Variants in DGKB observed in about 807,000 individuals in gnomAD.
DGKB encodes diacylglycerol kinase beta.
Under a neutral mutation model 114.3 loss-of-function variants are expected in DGKB, and 67 were observed. That is an observed-to-expected ratio of 0.59 (90% CI 0.48 to 0.72). The LOEUF (loss-of-function observed/expected upper bound fraction) is 0.72. DGKB is among the 30% of genes least tolerant of loss of function. The pLI, the probability that DGKB is intolerant of heterozygous loss-of-function variation, is 0.00. For missense variants in DGKB, 907 were observed against 975.2 expected, an observed-to-expected ratio of 0.93 and a Z score of 0.93; for synonymous variants, 398 against 323.1, an observed-to-expected ratio of 1.23 and a Z score of -2.49.
At position 14,274,218 on chromosome 7, in the gene DGKB, G is replaced by GCTCT. The variant is rs200644796; in HGVS notation, c.2122+64293_2122+64296dup. Among the ~76,000 whole-genome samples the GCTCT allele has an allele frequency of 2.0e-4, 30 of 152,282 alleles. No individual in the cohort carries two copies. In the East Asian group the frequency reaches 5.8e-3, roughly 29 times the overall value. On this transcript the variant is annotated intron_variant, in intron 23 of 25. Transcript: ENST00000402815. ...AGCCCCATGATCCACATGTTCCTCT[G>GCTCT]CTCTTGGCACTGTACTCAGGAGATT...
intron 2 of DGKB, among the ~76,000 whole-genome samples, chr7:14,777,735 A>G (rs1325898622): frequency 6.6e-6 from 1 of 152,186 alleles, no homozygotes; most frequent in Non-Finnish European, 1.5e-5. Context: ...GTGACAATGG[A>G]CTAATACATA....
intron 1 of DGKB, among the ~76,000 whole-genome samples, chr7:14,969,656 A>G (rs1468494295): frequency 1.3e-5 from 2 of 152,104 alleles, no homozygotes; most frequent in Non-Finnish European, 2.9e-5. Context: ...TGAGAGTCTA[A>G]TGCCTGATGA....
intron 20 of DGKB, among the ~76,000 whole-genome samples, chr7:14,505,608 A>G (rs1162722855): frequency 6.6e-6 from 1 of 152,230 alleles, no homozygotes; most frequent in East Asian, 1.9e-4. Flanking sequence ...CCAAAGACCA[A>G]TGTAAAATTG....
chr7:14,545,762 C>T (rs985587879), intron 20 of DGKB, among the ~76,000 whole-genome samples: 7 of 152,156 alleles, frequency 4.6e-5, no homozygotes, highest in Non-Finnish European at 8.8e-5. Flanking sequence ...GATCTGACAT[C>T]GTATACTGGG....
chr7:14,787,301 A>G (rs902412625), intron 2 of DGKB, among the ~76,000 whole-genome samples: 13 of 152,238 alleles, frequency 8.5e-5, no homozygotes, highest in Admixed American at 3.9e-4. Context: ...TTCACAAGCA[A>G]TGCAATTATT....
At chr7:14,285,005 G>C (rs1800635580) in intron 23 of DGKB, among the ~76,000 whole-genome samples, 1 of 142,288 alleles carries the variant, frequency 7.0e-6, no homozygotes. Context: ...AAAACTTAAA[G>C]TATAATAATA....
chr7:14,421,140 T>G (rs1271315069), intron 21 of DGKB, among the ~76,000 whole-genome samples: 1 of 152,104 alleles, frequency 6.6e-6, no homozygotes, highest in Non-Finnish European at 1.5e-5. Context: ...AAAGGGTACT[T>G]AAACCCCAGA....
At chr7:14,692,920 C>T (rs1431975741) in intron 9 of DGKB, among the ~76,000 whole-genome samples, 1 of 152,158 alleles carries the variant, frequency 6.6e-6, no homozygotes, top group East Asian at 1.9e-4. Context: ...TATTCCTTAA[C>T]CCTCAGCTCA....
intron 21 of DGKB, among the ~76,000 whole-genome samples, chr7:14,391,288 C>T (rs1328993057): frequency 6.6e-6 from 1 of 152,092 alleles, no homozygotes; most frequent in East Asian, 1.9e-4. Flanking sequence ...ACAGATTTTG[C>T]TCCTCATAAG....
intron 23 of DGKB, among the ~76,000 whole-genome samples, chr7:14,264,142 T>C (rs902155926): frequency 2.0e-5 from 3 of 152,194 alleles, no homozygotes; most frequent in African/African-American, 7.2e-5. Flanking sequence ...GATGAGGGAC[T>C]TAATGGTATG....
chr7:14,701,602 A>G, intron 7 of DGKB, 79 bp downstream of exon 7: 2 of 1,027,770 alleles, frequency 1.9e-6, no homozygotes, highest in Non-Finnish European at 3.1e-6. Context: ...TTCTGTGGTA[A>G]TAACTACAAA....
intron 17 of DGKB, among the ~76,000 whole-genome samples, chr7:14,590,908 C>T (rs760210263): frequency 6.6e-5 from 10 of 152,012 alleles, no homozygotes; most frequent in South Asian, 2.1e-4. Flanking sequence ...CCACCTCCTC[C>T]GCCTGCACTG....
chr7:14,491,605 T>G (rs1386203231), intron 20 of DGKB, among the ~76,000 whole-genome samples: 1 of 152,106 alleles, frequency 6.6e-6, no homozygotes, highest in East Asian at 1.9e-4. Context: ...CATCCAATAT[T>G]TCCTAAAAGA....
intron 21 of DGKB, among the ~76,000 whole-genome samples, chr7:14,402,229 C>G (rs1176512019): frequency 6.6e-6 from 1 of 151,742 alleles, no homozygotes; most frequent in East Asian, 1.9e-4. Context: ...ATTAAACTGT[C>G]TTATCACAGC....
intron 25 of DGKB, among the ~76,000 whole-genome samples, chr7:14,157,900 T>TTG: frequency 6.6e-6 from 1 of 152,170 alleles, no homozygotes; most frequent in African/African-American, 2.4e-5. Flanking sequence ...CTAGAGAATA[T>TTG]TTACAACTTG....
intron 20 of DGKB, among the ~76,000 whole-genome samples, chr7:14,562,451 C>T (rs1796805532): frequency 6.6e-6 from 1 of 152,176 alleles, no homozygotes; most frequent in African/African-American, 2.4e-5. Context: ...GCAGCTTGCA[C>T]CTTGCACTGG....
At chr7:14,517,214 C>T (rs182953358) in intron 20 of DGKB, among the ~76,000 whole-genome samples, 9 of 152,196 alleles carry the variant, frequency 5.9e-5, no homozygotes, top group South Asian at 2.1e-4. Context: ...GGAAAGAATT[C>T]CCCATTCAAT....
chr7:14,954,554 G>A (rs1786391474), intron 1 of DGKB, among the ~76,000 whole-genome samples: 1 of 152,010 alleles, frequency 6.6e-6, no homozygotes, highest in Non-Finnish European at 1.5e-5. Context: ...CAAATTTGAA[G>A]GTTAGAAGAT....
intron 23 of DGKB, among the ~76,000 whole-genome samples, chr7:14,289,127 T>C (rs868019831): frequency 6.6e-6 from 1 of 152,268 alleles, no homozygotes; most frequent in African/African-American, 2.4e-5. Context: ...TGACTATAGA[T>C]TTGAAGGCAA....
Sources: gnomAD v4.1 joint callset for allele counts (sites outside exome capture counted in the v4.1 genomes callset) on GRCh38, gnomAD v4.1.1 for gene constraint, MANE v1.5 for transcripts, NCBI Gene and HGNC (gene_info 2026-07-23, HGNC 2026-07-21) for gene names.